Variants in STARD8 observed in about 807,000 individuals in gnomAD.
The protein encoded by STARD8 is StAR related lipid transfer domain containing 8.
Under a neutral mutation model 69.4 loss-of-function variants are expected in STARD8, and 25 were observed. The observed-to-expected ratio is 0.36, with a 90% confidence interval of 0.26 to 0.50. The LOEUF (loss-of-function observed/expected upper bound fraction) is 0.50. STARD8 is among the 20% of genes least tolerant of loss of function. STARD8 has a pLI of 0.96. For synonymous variants in STARD8, 389 were observed against 374.6 expected (o/e 1.04, Z -0.45); for missense variants, 921 against 932.5 (o/e 0.99, Z 0.16).
At chrX:68,695,796 T>G (rs1164733664) in intron 2 of STARD8, among the ~76,000 whole-genome samples, 1 of 111,592 alleles carries the variant, frequency 9.0e-6, no homozygotes, top group African/African-American at 3.3e-5. Context: ...TAAAATTCCA[T>G]TATTGGGACT....
At chrX:68,648,220 T>C (rs1226221727) in intron 1 of STARD8, among the ~76,000 whole-genome samples, 1 of 111,748 alleles carries the variant, frequency 8.9e-6, no homozygotes, top group African/African-American at 3.3e-5. Context: ...TCTCTGAACC[T>C]CAGTTTCCTC....
chrX:68,682,341 C>T (rs769450462), intron 2 of STARD8, among the ~76,000 whole-genome samples: 93 of 112,132 alleles, frequency 8.3e-4, no homozygotes, highest in Middle Eastern at 4.2e-3. Context: ...GCTAATGCTG[C>T]GCCAAATCCC....
In STARD8 at chrX:68,719,303, T is replaced by G; in HGVS notation, c.1794T>G (p.Phe598Leu). 1 of 1,209,808 alleles carries G rather than the reference T, an allele frequency of 8.3e-7. No homozygotes were observed. Among genetic ancestry groups the G allele is most frequent in the African/African-American group, 1.7e-5 (1 of 57,841 alleles). ...NSESLEINRQ[F>L]AGQINLLHKG... ...AGTCGCTGGAGATCAACCGGCAGTT[T>G]GCAGGCCAGATCAACCTCCTGCACA... The change falls in exon 7 of 15, where the codon TTT becomes TTG. Residue 598 changes from phenylalanine to leucine, a missense_variant. Transcript: ENST00000374599.
intron 2 of STARD8, among the ~76,000 whole-genome samples, chrX:68,697,568 C>T (rs2147910178): frequency 8.9e-6 from 1 of 112,695 alleles, no homozygotes; most frequent in African/African-American, 3.2e-5. Flanking sequence ...CCACCTAGGC[C>T]CCTCCCCTGC....
chrX:68,652,503 G>A (rs1177226231), intron 1 of STARD8, among the ~76,000 whole-genome samples: 2 of 111,271 alleles, frequency 1.8e-5, no homozygotes, highest in Non-Finnish European at 3.8e-5. Context: ...GGGACAAGAC[G>A]TTTAAGTGTG....
At chrX:68,689,803 G>T (rs2079862801) in intron 2 of STARD8, among the ~76,000 whole-genome samples, 1 of 110,988 alleles carries the variant, frequency 9.0e-6, no homozygotes, top group Non-Finnish European at 1.9e-5. Context: ...CTGAGAGGGG[G>T]TGCTCCTTCC....
chrX:68,684,336 C>T (rs776087154), intron 2 of STARD8, among the ~76,000 whole-genome samples: 273 of 112,554 alleles, frequency 2.4e-3, no homozygotes, highest in Non-Finnish European at 4.5e-3. Flanking sequence ...TCTTTCATAT[C>T]ACTGTTCTGG....
chrX:68,668,960 C>T (rs1276809385), intron 2 of STARD8, among the ~76,000 whole-genome samples: 1 of 111,451 alleles, frequency 9.0e-6, no homozygotes, highest in African/African-American at 3.3e-5. Context: ...TGCCAATGTA[C>T]CACCCCAAAT....
intron 2 of STARD8, among the ~76,000 whole-genome samples, chrX:68,667,619 C>A (rs751149372): frequency 9.0e-6 from 1 of 111,318 alleles, no homozygotes; most frequent in Non-Finnish European, 1.9e-5. Flanking sequence ...TCAGTGTTAG[C>A]AGCTTCTTGG....
chrX:68,712,841 C>A, intron 2 of STARD8, 73 bp from the exon 3 acceptor site: 1 of 1,004,214 alleles, frequency 1.0e-6, no homozygotes, highest in East Asian at 3.3e-5. Context: ...GGGCAGCATG[C>A]ACCTAGGGCC....
At chrX:68,674,354 A>G (rs1384897120) in intron 2 of STARD8, among the ~76,000 whole-genome samples, 3 of 111,207 alleles carry the variant, frequency 2.7e-5, no homozygotes, top group Admixed American at 9.6e-5. Flanking sequence ...GACTTGAAAA[A>G]AAATTCTCAC....
Position 68,724,584 on chromosome X carries a change from G to A in STARD8, c.*162G>A. On this transcript the variant is annotated 3_prime_UTR_variant, in exon 15 of 15. Transcript: ENST00000374599. The stretch of plus-strand genomic sequence containing the variant: ...CTGTCCCCTTTCCTAAAGCTCCTCT[G>A]CACATAGAGGGGAGAAAAAGAGAAT... 1 of 424,364 alleles carries A rather than the reference G, an allele frequency of 2.4e-6. No homozygotes were observed. The highest frequency in any genetic ancestry group is 4.1e-6 in the Non-Finnish European group (1 of 246,406). 35.0% of individuals were successfully genotyped at this position (424,364 alleles called of 1,213,427 possible).
At chrX:68,660,389 C>T (rs1463752550) in intron 1 of STARD8, among the ~76,000 whole-genome samples, 1 of 111,809 alleles carries the variant, frequency 8.9e-6, no homozygotes, top group Non-Finnish European at 1.9e-5. Context: ...AACCAGCTCT[C>T]CTCTGCCCTT....
chrX:68,724,622 A>T lies in STARD8; in HGVS notation c.*200A>T, dbSNP rs1602624566. 6.4e-5 allele frequency: 25 copies of T among 390,681 alleles called. No individual in the cohort carries two copies. The East Asian group carries it at 1.0e-3, about 16-fold the overall frequency. 32.2% of individuals were successfully genotyped at this position (390,681 alleles called of 1,213,427 possible). On this transcript the variant is annotated 3_prime_UTR_variant, in exon 15 of 15. Transcript: ENST00000374599. Reference sequence around the variant, plus strand: ...AGAAAAAGAGAATTTAGGCAACTCCACTCCCCCTTCACCCCCAACCCTGTA... The same window carrying T: ...AGAAAAAGAGAATTTAGGCAACTCCTCTCCCCCTTCACCCCCAACCCTGTA...
At chrX:68,722,251 A>C (rs1285320438) in intron 11 of STARD8, 90 bp downstream of exon 11, 11 of 868,361 alleles carry the variant, frequency 1.3e-5, no homozygotes, top group Admixed American at 5.9e-5. Context: ...GATAGGACCC[A>C]ATTTGACACA....
chrX:68,719,066 T>C (rs1395836130), intron 6 of STARD8, among the ~76,000 whole-genome samples, 159 bp from the exon 7 acceptor site: 1 of 111,001 alleles, frequency 9.0e-6, no homozygotes, highest in Admixed American at 9.5e-5. Context: ...GTCCAAGCTT[T>C]TTCCACCCTG....
chrX:68,724,045 C>T lies in STARD8; in HGVS notation c.3118C>T (p.Leu1040Phe), dbSNP rs1219292529. Reference protein sequence around the residue: ...VPESGVRALMLTSQYLMEPCG... With the variant: ...VPESGVRALMFTSQYLMEPCG... The stretch of plus-strand genomic sequence containing the variant: ...AGAGTCGGGTGTGCGAGCCCTCATG[C>T]TCACATCCCAGTACCTCATGGAGCC... The change falls in exon 14 of 15, where the codon CTC becomes TTC. Residue 1040 changes from leucine (L) to phenylalanine (F), a missense_variant. By Grantham distance (22) the Leu-to-Phe change is conservative. Coordinates refer to ENST00000374599, the MANE Select transcript of STARD8 (RefSeq NM_001142503.3). The T allele has an allele frequency of 3.3e-6, 4 of 1,210,728 alleles. No individual in the cohort carries two copies. In the African/African-American group the frequency reaches 5.2e-5, roughly 16 times the overall value.
chrX:68,698,033 C>T (rs987148860), intron 2 of STARD8, among the ~76,000 whole-genome samples: 3 of 112,275 alleles, frequency 2.7e-5, no homozygotes, highest in African/African-American at 9.7e-5. Context: ...TAACTAACTC[C>T]CTGTCCACCT....
intron 2 of STARD8, among the ~76,000 whole-genome samples, chrX:68,683,267 C>G (rs896832079): frequency 1.8e-5 from 2 of 112,463 alleles, no homozygotes; most frequent in African/African-American, 6.5e-5. Flanking sequence ...ACAGTGGTTA[C>G]TAGCTAAAGC....
Sources: allele counts gnomAD v4.1 joint callset (sites outside exome capture counted in the v4.1 genomes callset), GRCh38; gene constraint gnomAD v4.1.1; transcripts MANE v1.5; gene names NCBI Gene and HGNC (gene_info 2026-07-23, HGNC 2026-07-21).